Variants in TCERG1L observed in about 807,000 individuals in gnomAD.
The protein encoded by TCERG1L is transcription elongation regulator 1 like, also known as transcription elongation regulator 1-like protein.
Under a neutral mutation model 56.3 loss-of-function variants are expected in TCERG1L, and 37 were observed. The observed-to-expected ratio is 0.66, with a 90% CI of 0.51 to 0.87. The LOEUF (loss-of-function observed/expected upper bound fraction) is 0.87, where lower values mean the gene tolerates loss of function less well. Ranked by LOEUF, TCERG1L falls within the 40% of genes least tolerant of loss-of-function variation. The pLI, the probability that TCERG1L is intolerant of heterozygous loss-of-function variation, is 0.00. For synonymous variants in TCERG1L, 324 were observed against 326.3 expected, an observed-to-expected ratio of 0.99 and a Z score of 0.08; for missense variants, 799 against 774.2, an observed-to-expected ratio of 1.03 and a Z score of -0.38.
chr10:131,193,750 A>G (rs1254173053), intron 4 of TCERG1L, among the ~76,000 whole-genome samples: 2 of 152,168 alleles, frequency 1.3e-5, no homozygotes, highest in Non-Finnish European at 2.9e-5. Context: ...TATCCTTGTC[A>G]TGTAATTTGA....
At chr10:131,138,114 CA>C (rs1845695399) in intron 7 of TCERG1L, among the ~76,000 whole-genome samples, 1 of 152,112 alleles carries the variant, frequency 6.6e-6, no homozygotes, top group African/African-American at 2.4e-5. Flanking sequence ...ACCAAAAATA[CA>C]AAAATTAGCC....
intron 3 of TCERG1L, among the ~76,000 whole-genome samples, chr10:131,273,113 G>A (rs577522811): frequency 8.5e-5 from 13 of 152,286 alleles, no homozygotes; most frequent in Non-Finnish European, 7.4e-5. Context: ...CTCAGGCAGC[G>A]CCACCTTCCA....
At chr10:131,271,723 GGAA>G (rs1846341357) in intron 3 of TCERG1L, among the ~76,000 whole-genome samples, 1 of 152,198 alleles carries the variant, frequency 6.6e-6, no homozygotes, top group African/African-American at 2.4e-5. Context: ...CCATGTGGAG[GGAA>G]GGCCTGGAGG....
intron 4 of TCERG1L, among the ~76,000 whole-genome samples, chr10:131,206,987 T>G (rs1484298344): frequency 6.6e-6 from 1 of 152,074 alleles, no homozygotes; most frequent in African/African-American, 2.4e-5. Context: ...AGGCCTTTCT[T>G]GGCGTCCCCG....
intron 4 of TCERG1L, among the ~76,000 whole-genome samples, chr10:131,178,335 C>T (rs1335538191): frequency 1.3e-5 from 2 of 152,168 alleles, no homozygotes; most frequent in Non-Finnish European, 2.9e-5. Flanking sequence ...TGAAACAAGA[C>T]GAGGCAGGTT....
chr10:131,208,223 C>T (rs938324868), intron 4 of TCERG1L, among the ~76,000 whole-genome samples: 1 of 152,252 alleles, frequency 6.6e-6, no homozygotes, highest in East Asian at 1.9e-4. Flanking sequence ...CCAAATTCAA[C>T]ACCCCTCCTC....
At chr10:131,201,987 CA>C (rs1345302175) in intron 4 of TCERG1L, among the ~76,000 whole-genome samples, 3 of 152,222 alleles carry the variant, frequency 2.0e-5, no homozygotes, top group African/African-American at 7.2e-5. Context: ...TGGTTCTCTC[CA>C]GATCCTGTAA....
chr10:131,102,836 T>G (rs146952208), intron 10 of TCERG1L, among the ~76,000 whole-genome samples: 2 of 152,240 alleles, frequency 1.3e-5, no homozygotes, highest in African/African-American at 4.8e-5. Context: ...TGCTCGCTGA[T>G]GCCGTCAGAC....
intron 9 of TCERG1L, 133 bp downstream of exon 9, chr10:131,116,662 CATCT>C: frequency 8.3e-7 from 1 of 1,207,044 alleles, no homozygotes; most frequent in South Asian, 1.4e-5. Context: ...GAGGACACAT[CATCT>C]CTCAGGCCAG....
chr10:131,292,984 G>A (rs902933309), intron 3 of TCERG1L, among the ~76,000 whole-genome samples: 22 of 151,808 alleles, frequency 1.4e-4, no homozygotes, highest in Non-Finnish European at 2.9e-4. Flanking sequence ...CCGAGTAGCT[G>A]GGATTACAGG....
At chr10:131,295,871 A>G (rs1846684617) in intron 3 of TCERG1L, among the ~76,000 whole-genome samples, 1 of 151,864 alleles carries the variant, frequency 6.6e-6, no homozygotes, top group Admixed American at 6.6e-5. Flanking sequence ...TTTCACAAAT[A>G]CCTCCCTATT....
At chr10:131,231,535 G>A (rs1480618770) in intron 4 of TCERG1L, among the ~76,000 whole-genome samples, 2 of 152,104 alleles carry the variant, frequency 1.3e-5, no homozygotes, top group East Asian at 3.9e-4. Flanking sequence ...ATCCTTCTGA[G>A]GTGCAGCCTC....
At chr10:131,206,134 A>G (rs1352859090) in intron 4 of TCERG1L, among the ~76,000 whole-genome samples, 1 of 152,262 alleles carries the variant, frequency 6.6e-6, no homozygotes, top group East Asian at 1.9e-4. Context: ...TGGAATAAGA[A>G]GTACAGGCGG....
chr10:131,261,040 T>C (rs115461345), intron 3 of TCERG1L, among the ~76,000 whole-genome samples: 1 of 152,178 alleles, frequency 6.6e-6, no homozygotes, highest in African/African-American at 2.4e-5. Flanking sequence ...AGCTGGGCCC[T>C]GCAGGGAGTG....
At chr10:131,306,057 A>AACTGC (rs2133586458) in intron 3 of TCERG1L, among the ~76,000 whole-genome samples, 1 of 152,286 alleles carries the variant, frequency 6.6e-6, no homozygotes, top group South Asian at 2.1e-4. Context: ...TTTTCTCATT[A>AACTGC]ACTGCAGTAA....
chr10:131,257,733 G>A (rs1398997492), intron 4 of TCERG1L, among the ~76,000 whole-genome samples: 2 of 151,982 alleles, frequency 1.3e-5, no homozygotes, highest in African/African-American at 4.8e-5. Context: ...CAACCCTCAG[G>A]TCATGACAAC....
intron 4 of TCERG1L, among the ~76,000 whole-genome samples, chr10:131,176,933 C>T (rs931856735): frequency 6.2e-5 from 7 of 113,362 alleles, no homozygotes; most frequent in South Asian, 2.9e-4. Flanking sequence ...CACACAGACA[C>T]GTGAACACAC....
intron 4 of TCERG1L, among the ~76,000 whole-genome samples, chr10:131,250,159 G>T (rs148359931): frequency 0.024 from 3,706 of 152,274 alleles, 60 homozygotes; most frequent in Non-Finnish European, 0.038. Flanking sequence ...AGCCCACCTC[G>T]CTCCCCTGCA....
At chr10:131,249,972 CA>C (rs1846088781) in intron 4 of TCERG1L, among the ~76,000 whole-genome samples, 1 of 152,230 alleles carries the variant, frequency 6.6e-6, no homozygotes, top group African/African-American at 2.4e-5. Flanking sequence ...ACACCTGTCC[CA>C]GCATTCAGAA....
Sources: gnomAD v4.1 joint callset for allele counts (sites outside exome capture counted in the v4.1 genomes callset) on GRCh38, gnomAD v4.1.1 for gene constraint, MANE v1.5 for transcripts, NCBI Gene and HGNC (gene_info 2026-07-23, HGNC 2026-07-21) for gene names.